Variants in ASH2L observed in about 807,000 individuals in gnomAD.
The protein encoded by ASH2L is set1/Ash2 histone methyltransferase complex subunit ASH2.
ASH2L carries 30 observed loss-of-function variants against 81.1 expected under a neutral mutation model. The ratio of observed to expected loss-of-function variants is 0.37; its 90% CI spans 0.28 to 0.50. The LOEUF (loss-of-function observed/expected upper bound fraction) is 0.50, where lower values mean the gene tolerates loss of function less well. Among genes scored for constraint, ASH2L ranks in the 20% least tolerant of loss-of-function variants. ASH2L has a pLI of 0.95. For missense variants in ASH2L, 559 were observed against 792.1 expected, an observed-to-expected ratio of 0.71 and a Z score of 3.53; for synonymous variants, 273 against 279.9, an observed-to-expected ratio of 0.98 and a Z score of 0.24.
chr8:38,106,521 T>C (rs78601068), intron 2 of ASH2L, 77 bp downstream of exon 2: 1 of 1,280,074 alleles, frequency 7.8e-7, no homozygotes, highest in East Asian at 2.4e-5. Context: ...TTTTTTTTTT[T>C]TGTTGCGACG....
At chr8:38,125,983 A>G (rs1318128999) in intron 10 of ASH2L, among the ~76,000 whole-genome samples, 1 of 151,934 alleles carries the variant, frequency 6.6e-6, no homozygotes, top group Non-Finnish European at 1.5e-5. Context: ...GTGGGTAGAT[A>G]ACCGGAGGTC....
rs1306063896 is a variant in ASH2L, at chr8:38,130,907, A to AT, written c.1527+1964dup. ...ATTTTTATGTATAGTATGGAAATTC[A>AT]TTTTTTTTCCATATGATTACACAAT... On this transcript the variant is annotated intron_variant, in intron 12 of 15. Coordinates refer to ENST00000343823, the MANE Select transcript of ASH2L (RefSeq NM_004674.5). Among the ~76,000 whole-genome samples, 2 of 152,024 alleles carry AT rather than the reference A, an allele frequency of 1.3e-5. 1 individual carries two copies. Among genetic ancestry groups the AT allele is most frequent in the Middle Eastern group, 6.8e-3 (2 of 294 alleles).
intron 5 of ASH2L, among the ~76,000 whole-genome samples, chr8:38,111,052 C>T (rs533379744): frequency 9.9e-5 from 15 of 152,196 alleles, no homozygotes; most frequent in South Asian, 4.2e-4. Context: ...CTCCTGCCTC[C>T]GCTTCCCGAG....
intron 6 of ASH2L, 120 bp from the exon 7 acceptor site, chr8:38,114,785 G>A (rs867452629): frequency 1.3e-5 from 8 of 636,994 alleles, no homozygotes; most frequent in East Asian, 2.8e-5. Flanking sequence ...AAGGAAAAAC[G>A]ATACTATCTT....
chr8:38,111,295 C>T (rs1025188491), intron 5 of ASH2L, among the ~76,000 whole-genome samples: 1 of 152,130 alleles, frequency 6.6e-6, no homozygotes, highest in Non-Finnish European at 1.5e-5. Flanking sequence ...GTGATCATGG[C>T]TCACTGCAGC....
intron 12 of ASH2L, 88 bp downstream of exon 12, chr8:38,129,039 C>T: frequency 6.6e-7 from 1 of 1,517,522 alleles, no homozygotes; most frequent in Non-Finnish European, 8.8e-7. Context: ...CTCTTAGGAA[C>T]TGAGCCACAG....
At chr8:38,124,465 C>CCT (rs1378513662) in intron 10 of ASH2L, 2 of 152,212 alleles carry the variant, frequency 1.3e-5, no homozygotes, top group Non-Finnish European at 2.9e-5. Flanking sequence ...ACTTCCTTGG[C>CCT]CTCCCAAAGT....
intron 1 of ASH2L, chr8:38,106,016 C>G: frequency 6.5e-7 from 1 of 1,530,444 alleles, no homozygotes; most frequent in South Asian, 1.2e-5. Flanking sequence ...AACGGGAGGC[C>G]TTCACATATT....
chr8:38,111,703 A>C (rs1258634682), intron 5 of ASH2L, among the ~76,000 whole-genome samples: 1 of 152,174 alleles, frequency 6.6e-6, no homozygotes, highest in Non-Finnish European at 1.5e-5. Context: ...TCTTAGATTT[A>C]ACAGTTAACA....
intron 3 of ASH2L, among the ~76,000 whole-genome samples, chr8:38,108,774 G>A (rs533516126): frequency 6.6e-6 from 1 of 152,170 alleles, no homozygotes; most frequent in South Asian, 2.1e-4. Flanking sequence ...CTGGGCGACA[G>A]TGAGACTCCG....
In ASH2L at chr8:38,106,369, A is replaced by G; in HGVS notation, c.189-9A>G. The G allele has an allele frequency of 6.9e-6, 11 of 1,583,708 alleles. No homozygotes were observed. Among genetic ancestry groups the G allele is most frequent in the Non-Finnish European group, 9.5e-6 (11 of 1,154,228 alleles). ...GAATTCTTACTTGAGCGCTTTCATTATCTTATAGGGAGGCAAACTTGGTCG... is the reference window on the plus strand; with the variant it reads ...GAATTCTTACTTGAGCGCTTTCATTGTCTTATAGGGAGGCAAACTTGGTCG... On this transcript the variant is annotated splice_polypyrimidine_tract_variant and intron_variant, in intron 1 of 15. Transcript: ENST00000343823.
At position 38,106,375 on chromosome 8, in the gene ASH2L, T is replaced by C. The variant is rs781737400; in HGVS notation, c.189-3T>C. ...TTACTTGAGCGCTTTCATTATCTTA[T>C]AGGGAGGCAAACTTGGTCGATGTAA... On this transcript the variant is annotated splice_polypyrimidine_tract_variant and splice_region_variant and intron_variant, in intron 1 of 15. Transcript: ENST00000343823. The C allele has an allele frequency of 6.2e-6, 10 of 1,613,578 alleles. No individual in the cohort carries two copies. Among genetic ancestry groups the C allele is most frequent in the Admixed American group, 3.3e-5 (2 of 60,012 alleles).
At chr8:38,135,499 C>T (rs763540486) in intron 13 of ASH2L, among the ~76,000 whole-genome samples, 169 bp from the exon 14 acceptor site, 2 of 152,098 alleles carry the variant, frequency 1.3e-5, no homozygotes, top group Middle Eastern at 3.4e-3. Context: ...TTTGAAAAAT[C>T]GAAAGTATTA....
Position 38,135,786 on chromosome 8 carries a change from C to T in ASH2L, c.1719+20C>T, listed in dbSNP as rs1802227869. 1.3e-6 allele frequency: 2 copies of T among 1,559,876 alleles called. No individual in the cohort carries two copies. The highest frequency in any genetic ancestry group is 1.9e-5 in the Admixed American group (1 of 51,772). On this transcript the variant is annotated intron_variant, in intron 14 of 15. Coordinates refer to ENST00000343823, the MANE Select transcript of ASH2L (RefSeq NM_004674.5). ...TGCACGGTACGTACATGTTTCCATC[C>T]CATGAGCAAAACTTGAGGGAAGCAG...
intron 10 of ASH2L, among the ~76,000 whole-genome samples, chr8:38,126,627 G>A (rs891691619): frequency 6.6e-6 from 1 of 151,544 alleles, no homozygotes; most frequent in African/African-American, 2.4e-5. Flanking sequence ...GGCCGAGGCA[G>A]GCGGATCACG....
chr8:38,125,199 C>A (rs1801785523), intron 10 of ASH2L, among the ~76,000 whole-genome samples: 2 of 152,224 alleles, frequency 1.3e-5, no homozygotes. Context: ...GTACACTTTT[C>A]ACCCAGATTT....
chr8:38,122,426 T>C (rs768439621), intron 10 of ASH2L: 2 of 152,194 alleles, frequency 1.3e-5, no homozygotes, highest in Non-Finnish European at 2.9e-5. Context: ...AAAGAGAAGA[T>C]GCATGGCCCC....
At chr8:38,121,706 A>C (rs1801637045) in intron 10 of ASH2L, among the ~76,000 whole-genome samples, 1 of 152,110 alleles carries the variant, frequency 6.6e-6, no homozygotes, top group Non-Finnish European at 1.5e-5. Context: ...TCCTCAGTGA[A>C]GATTTGTCTG....
chr8:38,113,038 G>A (rs995005641), intron 5 of ASH2L, among the ~76,000 whole-genome samples: 1 of 151,362 alleles, frequency 6.6e-6, no homozygotes, highest in Non-Finnish European at 1.5e-5. Context: ...GCGATGTCTC[G>A]GCTCACTGCA....
Sources: allele counts gnomAD v4.1 joint callset (sites outside exome capture counted in the v4.1 genomes callset), GRCh38; gene constraint gnomAD v4.1.1; transcripts MANE v1.5; gene names NCBI Gene and HGNC (gene_info 2026-07-23, HGNC 2026-07-21).